Variants in ENAH observed in about 807,000 individuals in gnomAD.
ENAH encodes ENAH actin regulator, also known as protein enabled homolog.
Under a neutral mutation model 78.7 loss-of-function variants are expected in ENAH, and 23 were observed. That is an observed-to-expected ratio of 0.29 (90% CI 0.21 to 0.41). The LOEUF is 0.41. Ranked by LOEUF, ENAH falls within the 10% of genes least tolerant of loss-of-function variation. ENAH has a pLI of 1.00. For missense variants in ENAH, 544 were observed against 691.0 expected (o/e 0.79, Z 2.39); for synonymous variants, 226 against 241.0 (o/e 0.94, Z 0.58).
chr1:225,598,468 G>T (rs1025520918), intron 1 of ENAH, among the ~76,000 whole-genome samples: 2 of 151,830 alleles, frequency 1.3e-5, no homozygotes, highest in Admixed American at 1.3e-4. Context: ...TGGGTGAGGG[G>T]AGACCTCACC....
chr1:225,619,900 A>G (rs1401971400), intron 1 of ENAH, among the ~76,000 whole-genome samples: 1 of 152,230 alleles, frequency 6.6e-6, no homozygotes, highest in Non-Finnish European at 1.5e-5. Flanking sequence ...AAGCTAAAAA[A>G]AAATGTCTGG....
intron 5 of ENAH, chr1:225,517,657 G>A: frequency 6.4e-7 from 1 of 1,550,806 alleles, no homozygotes; most frequent in South Asian, 1.2e-5. Flanking sequence ...CCAGGCACAG[G>A]GCTTCGTAGC....
chr1:225,490,073 CAGAG>C lies in ENAH; in HGVS notation c.*7698_*7701del, dbSNP rs577231409. 1.3e-5 allele frequency: 2 copies of C among 152,028 alleles called. No individual in the cohort carries two copies. Among genetic ancestry groups the C allele is most frequent in the Non-Finnish European group, 2.9e-5 (2 of 68,024 alleles). 9.4% of individuals were successfully genotyped at this position (152,028 alleles called of 1,614,324 possible). A position where few individuals can be genotyped will look rare whatever the true frequency, so the allele number is the denominator to read the frequency against. ...AACTCAACTTTAGAGGTAGAAGGCT[CAGAG>C]AGAATGACTGACTAGCCCCACAGCC... On this transcript the variant is annotated 3_prime_UTR_variant, in exon 14 of 14. Transcript: ENST00000366843.
At chr1:225,515,001 T>G (rs530560337) in intron 6 of ENAH, 101 bp from the exon 7 acceptor site, 1 of 961,948 alleles carries the variant, frequency 1.0e-6, no homozygotes, top group African/African-American at 1.7e-5. Context: ...TTAAACTGAC[T>G]CATGTATTTA....
intron 1 of ENAH, among the ~76,000 whole-genome samples, chr1:225,588,565 T>G (rs1025376825): frequency 6.6e-6 from 1 of 152,152 alleles, no homozygotes; most frequent in African/African-American, 2.4e-5. Context: ...ATCCCAACAC[T>G]TTGGGAGGCC....
At chr1:225,506,631 C>G (rs565209492) in intron 11 of ENAH, among the ~76,000 whole-genome samples, 51 of 152,286 alleles carry the variant, frequency 3.3e-4, no homozygotes, top group African/African-American at 1.2e-3. Flanking sequence ...CTACTGAAAA[C>G]ACATGTCCAC....
At chr1:225,549,658 G>A (rs1015555681) in intron 3 of ENAH, among the ~76,000 whole-genome samples, 8 of 139,546 alleles carry the variant, frequency 5.7e-5, no homozygotes, top group African/African-American at 1.5e-4. Context: ...GATTGGTTAT[G>A]TATACGCCAG....
At chr1:225,503,047 T>C (rs1267892436) in intron 11 of ENAH, among the ~76,000 whole-genome samples, 1 of 152,212 alleles carries the variant, frequency 6.6e-6, no homozygotes, top group African/African-American at 2.4e-5. Context: ...GCAAAAATTA[T>C]TGTTATGTAA....
At chr1:225,571,972 T>C (rs1347070041) in intron 1 of ENAH, among the ~76,000 whole-genome samples, 2 of 152,166 alleles carry the variant, frequency 1.3e-5, no homozygotes, top group Admixed American at 6.5e-5. Flanking sequence ...GTTTTGGGAA[T>C]CATTCTAGCA....
intron 1 of ENAH, among the ~76,000 whole-genome samples, chr1:225,598,043 A>G (rs1412612173): frequency 1.3e-5 from 2 of 152,088 alleles, no homozygotes; most frequent in East Asian, 3.9e-4. Context: ...TCCTTTTTTA[A>G]GGTAAGGAGA....
At chr1:225,561,073 A>C (rs2151467003) in intron 2 of ENAH, among the ~76,000 whole-genome samples, 1 of 151,630 alleles carries the variant, frequency 6.6e-6, no homozygotes, top group South Asian at 2.1e-4. Flanking sequence ...GTCTCTACTG[A>C]AAATACAAAA....
chr1:225,615,692 G>A (rs1432724410), intron 1 of ENAH, among the ~76,000 whole-genome samples: 4 of 148,266 alleles, frequency 2.7e-5, no homozygotes, highest in Non-Finnish European at 4.5e-5. Flanking sequence ...CTGCCCAGCC[G>A]CGACCCCGTC....
chr1:225,514,607 T>C lies in ENAH; in HGVS notation c.1207A>G (p.Lys403Glu). The change falls in exon 7 of 14, where the codon AAA becomes GAA. Residue 403 changes from lysine (K) to glutamate (E), a missense_variant. Coordinates refer to ENST00000366843, the MANE Select transcript of ENAH (RefSeq NM_018212.6). ...AAAIAGAKLR[K>E]VSRMEDTSFP... is the part of the protein sequence containing the mutation. ...AGAAAGGTATTTACCCGTGACACTT[T>C]CCTAAGTTTTGCTCCGGCAATTGCA... is the stretch of plus-strand genomic sequence containing the variant. 6.2e-7 allele frequency: 1 copy of C among 1,611,956 alleles called. No individual in the cohort carries two copies. Among genetic ancestry groups the C allele is most frequent in the Non-Finnish European group, 8.5e-7 (1 of 1,179,790 alleles).
intron 1 of ENAH, among the ~76,000 whole-genome samples, chr1:225,634,530 G>A (rs1426429838): frequency 1.3e-5 from 2 of 152,092 alleles, no homozygotes; most frequent in Non-Finnish European, 2.9e-5. Context: ...CCTGTAACAG[G>A]GAATTATCTG....
Position 225,519,475 on chromosome 1 carries a change from C to T in ENAH, c.525G>A (p.Arg175=). The change falls in exon 5 of 14, where the codon AGG becomes AGA. Residue 175 remains arginine (R), a synonymous_variant. Coordinates refer to ENST00000366843, the MANE Select transcript of ENAH (RefSeq NM_018212.6). ...CCCTCTCCAGCCTTTCCCTTTCTAA[C>T]CTCTCTCTCTCCAACCTTTCTCTTT... ...RMERERLERE[R]LERERLERER... The T allele has an allele frequency of 1.9e-6, 3 of 1,610,754 alleles. No homozygotes were observed. The highest frequency in any genetic ancestry group is 1.7e-6 in the Non-Finnish European group (2 of 1,178,200).
intron 2 of ENAH, among the ~76,000 whole-genome samples, chr1:225,557,722 G>A (rs1046740574): frequency 1.3e-5 from 2 of 152,196 alleles, no homozygotes; most frequent in Non-Finnish European, 2.9e-5. Flanking sequence ...TTGGGAGGCT[G>A]AGGCAGAAGA....
chr1:225,615,553 G>A (rs1252870098), intron 1 of ENAH, among the ~76,000 whole-genome samples: 1 of 151,568 alleles, frequency 6.6e-6, no homozygotes, highest in Admixed American at 6.6e-5. Flanking sequence ...AGTCTGGGAA[G>A]TGAGGAGCGC....
chr1:225,545,110 G>A (rs2096607090), intron 3 of ENAH, among the ~76,000 whole-genome samples: 2 of 152,176 alleles, frequency 1.3e-5, no homozygotes, highest in African/African-American at 4.8e-5. Flanking sequence ...CCTCATGGGG[G>A]AGGAGAGAAG....
rs1359460700 is a variant in ENAH, at chr1:225,546,047, C to T, written c.349+8859G>A. On this transcript the variant is annotated intron_variant, in intron 3 of 13. Transcript: ENST00000366843. ...CAAGTGATCCTCCTGCCTCAGCCTC[C>T]CAAGAAGCTAGGGCTATAGATGTAC... Among the ~76,000 whole-genome samples, 5 of 151,450 alleles carry T rather than the reference C, an allele frequency of 3.3e-5. No homozygotes were observed. In the East Asian group the frequency reaches 7.7e-4, roughly 23 times the overall value.
Sources: gnomAD v4.1 joint callset for allele counts (sites outside exome capture counted in the v4.1 genomes callset) on GRCh38, gnomAD v4.1.1 for gene constraint, MANE v1.5 for transcripts, NCBI Gene and HGNC (gene_info 2026-07-23, HGNC 2026-07-21) for gene names.